Variants in IL18 observed in about 807,000 individuals in gnomAD.
IL18 encodes the protein interleukin-18.
IL18 carries 8 observed loss-of-function variants against 14.2 expected under a neutral mutation model. That is an observed-to-expected ratio of 0.56 (90% CI 0.33 to 1.01). The LOEUF is 1.01. Among genes scored for constraint, IL18 ranks in the 50% least tolerant of loss-of-function variants. The pLI is 0.03. For synonymous variants in IL18, 67 were observed against 71.0 expected (o/e 0.94, Z 0.28); for missense variants, 166 against 231.1 (o/e 0.72, Z 1.83).
intron 1 of IL18, among the ~76,000 whole-genome samples, chr11:112,163,024 A>G (rs1246535455): frequency 5.3e-5 from 8 of 152,162 alleles, no homozygotes; most frequent in Non-Finnish European, 8.8e-5. Context: ...CTGAGATTCT[A>G]GGCATGAGCT....
chr11:112,149,988 G>T, intron 4 of IL18, 84 bp downstream of exon 4: 1 of 1,197,116 alleles, frequency 8.4e-7, no homozygotes, highest in Non-Finnish European at 1.2e-6. Context: ...TGAGGATTGG[G>T]ACTAGCACGG....
intron 3 of IL18, 62 bp downstream of exon 3, chr11:112,153,530 G>T (rs1849018735): frequency 8.5e-7 from 1 of 1,174,340 alleles, no homozygotes; most frequent in Non-Finnish European, 1.2e-6. Context: ...ACAATGGTGA[G>T]ATAGATGTGT....
chr11:112,162,326 TTTTTC>T lies in IL18; in HGVS notation c.-9+1575_-9+1579del, dbSNP rs1298676914. ...GGGGTGAACTGAATAGAGCGATGTT[TTTTTC>T]TTTTCTTTTCTTTTTTTTTTTTTTT... On this transcript the variant is annotated intron_variant, in intron 1 of 5. Coordinates refer to ENST00000280357, the MANE Select transcript of IL18 (RefSeq NM_001562.4). Among the ~76,000 whole-genome samples, 7 of 149,238 alleles carry T rather than the reference TTTTTC, an allele frequency of 4.7e-5. No homozygotes were observed. In the East Asian group the frequency reaches 1.4e-3, roughly 30 times the overall value.
chr11:112,149,556 A>G (rs1459602205), intron 4 of IL18, among the ~76,000 whole-genome samples: 1 of 113,536 alleles, frequency 8.8e-6, no homozygotes, highest in Non-Finnish European at 1.8e-5. Context: ...TTCTTTTCTT[A>G]AGTTTTTTTT....
rs200824874 is a variant in IL18, at chr11:112,150,136, T to C, written c.162A>G (p.Gln54=). Residue 54 remains glutamine, a synonymous_variant, in exon 4 of 6, where the codon CAA becomes CAG. Transcript: ENST00000280357. Reference sequence around the variant, plus strand: ...GATTTCCTTGGTCAATGAAGAGAACTTGGTCATTCAAATTTCTTATGACTG... The same window carrying C: ...GATTTCCTTGGTCAATGAAGAGAACCTGGTCATTCAAATTTCTTATGACTG... ...KLSVIRNLND[Q]VLFIDQGNRP... is the part of the protein sequence containing the mutation. The C allele has an allele frequency of 4.4e-6, 7 of 1,608,640 alleles. No individual in the cohort carries two copies. Among genetic ancestry groups the C allele is most frequent in the Non-Finnish European group, 6.0e-6 (7 of 1,175,502 alleles).
At chr11:112,146,152 G>A (rs1866339301) in intron 5 of IL18, among the ~76,000 whole-genome samples, 2 of 151,174 alleles carry the variant, frequency 1.3e-5, no homozygotes, top group Admixed American at 6.6e-5. Flanking sequence ...GCCAAGCCTG[G>A]ATATAGATAC....
intron 5 of IL18, among the ~76,000 whole-genome samples, chr11:112,146,048 T>C (rs1866337176): frequency 6.6e-6 from 1 of 151,124 alleles, no homozygotes; most frequent in Non-Finnish European, 1.5e-5. Flanking sequence ...TTTTTTTTTT[T>C]TTTTTACATC....
intron 3 of IL18, among the ~76,000 whole-genome samples, chr11:112,152,680 G>T (rs184395200): frequency 1.3e-5 from 2 of 152,256 alleles, no homozygotes; most frequent in East Asian, 1.9e-4. Context: ...ACTGGGATAT[G>T]AACCCAGGAA....
At chr11:112,162,273 A>G (rs560571405) in intron 1 of IL18, among the ~76,000 whole-genome samples, 141 of 152,108 alleles carry the variant, frequency 9.3e-4, no homozygotes, top group African/African-American at 3.1e-3. Flanking sequence ...ACCAGCATTT[A>G]TGTGATAATC....
chr11:112,147,732 C>A (rs1022503597), intron 5 of IL18, among the ~76,000 whole-genome samples: 1 of 152,108 alleles, frequency 6.6e-6, no homozygotes, highest in African/African-American at 2.4e-5. Flanking sequence ...CCCTTGGTAC[C>A]TTCACTAAGG....
intron 3 of IL18, 61 bp from the exon 4 acceptor site, chr11:112,150,267 G>A (rs1477349578): frequency 8.8e-7 from 1 of 1,130,422 alleles, no homozygotes. Flanking sequence ...TGACAAATAA[G>A]TATGCTATAT....
At chr11:112,152,736 T>C (rs1033608213) in intron 3 of IL18, among the ~76,000 whole-genome samples, 17 of 152,180 alleles carry the variant, frequency 1.1e-4, no homozygotes, top group African/African-American at 4.1e-4. Flanking sequence ...AACTAGGGGA[T>C]GATGGGTACA....
intron 1 of IL18, among the ~76,000 whole-genome samples, chr11:112,155,659 C>T (rs1866519762): frequency 6.6e-6 from 1 of 152,150 alleles, no homozygotes; most frequent in African/African-American, 2.4e-5. Flanking sequence ...ATATTTTTAA[C>T]ACAAGTAATA....
chr11:112,154,287 G>A (rs186380755), intron 2 of IL18, among the ~76,000 whole-genome samples: 1 of 152,268 alleles, frequency 6.6e-6, no homozygotes, highest in East Asian at 1.9e-4. Context: ...CACTTTGGGA[G>A]GCCGAGGCAG....
chr11:112,153,453 T>G, intron 3 of IL18, 139 bp downstream of exon 3: 1 of 497,430 alleles, frequency 2.0e-6, no homozygotes, highest in South Asian at 4.2e-5. Context: ...AAAGCTGTGC[T>G]ACTGAGTCCA....
chr11:112,153,566 GA>G, intron 3 of IL18, 25 bp downstream of exon 3: 1 of 1,508,376 alleles, frequency 6.6e-7, no homozygotes, highest in Non-Finnish European at 9.1e-7. Flanking sequence ...AGTTTGCAAA[GA>G]AAAATAAATT....
Position 112,160,864 on chromosome 11 carries a change from A to G in IL18, c.-9+3042T>C, listed in dbSNP as rs991985910. 3.9e-5 allele frequency among the ~76,000 whole-genome samples: 6 copies of G among 152,108 alleles called. No homozygotes were observed. The East Asian group carries it at 1.2e-3, about 29-fold the overall frequency. ...TTCATGTGTTGATTTTGAATTCTTC[A>G]TTCTTATTTTCTTACAATTCTTCTT... On this transcript the variant is annotated intron_variant, in intron 1 of 5. Transcript: ENST00000280357.
intron 1 of IL18, among the ~76,000 whole-genome samples, chr11:112,158,272 G>A (rs1197646312): frequency 6.6e-6 from 1 of 152,228 alleles, no homozygotes; most frequent in Non-Finnish European, 1.5e-5. Context: ...ACAGGCAAGA[G>A]CCACTGCGCC....
Position 112,154,928 on chromosome 11 carries a change from A to G in IL18, c.79+47T>C, listed in dbSNP as rs1243602779. On this transcript the variant is annotated intron_variant, in intron 2 of 5. Transcript: ENST00000280357. ...CACCTCACAACATCTTTTCTAATTG[A>G]ATAGATTTATCTGAACCTGGTATTT... The G allele has an allele frequency of 4.2e-6, 5 of 1,194,078 alleles. No individual in the cohort carries two copies. In the East Asian group the frequency reaches 1.2e-4, roughly 28 times the overall value. The allele number at this position is 1,194,078 out of a possible 1,614,324, so 74.0% of individuals were successfully genotyped here. A position where few individuals can be genotyped will look rare whatever the true frequency, so the allele number is the denominator to read the frequency against.
Sources: gnomAD v4.1 joint callset for allele counts (sites outside exome capture counted in the v4.1 genomes callset) on GRCh38, gnomAD v4.1.1 for gene constraint, MANE v1.5 for transcripts, NCBI Gene and HGNC (gene_info 2026-07-23, HGNC 2026-07-21) for gene names.